Variants in NOSTRIN observed in about 807,000 individuals in gnomAD.
The protein encoded by NOSTRIN is BM247 homolog.
In NOSTRIN, 63 loss-of-function variants were observed where a neutral mutation model predicts 59.0. The observed-to-expected ratio is 1.07, with a 90% CI of 0.87 to 1.32. The LOEUF (loss-of-function observed/expected upper bound fraction) is 1.32. Among genes scored for constraint, NOSTRIN ranks in the 40% most tolerant of loss-of-function variants. The probability of loss-of-function intolerance (pLI) is 0.00; values close to 1 mark genes in which losing one functional copy is unlikely to be tolerated. For synonymous variants in NOSTRIN, 200 were observed against 165.4 expected (o/e 1.21, Z -1.61); for missense variants, 512 against 473.1 (o/e 1.08, Z -0.76).
At chr2:168,816,210 C>T (rs1244076604) in intron 2 of NOSTRIN, among the ~76,000 whole-genome samples, 1 of 152,172 alleles carries the variant, frequency 6.6e-6, no homozygotes, top group African/African-American at 2.4e-5. Context: ...GACCCCGTTT[C>T]CAATCCAAGC....
At chr2:168,792,760 A>G (rs1329529445) in intron 2 of NOSTRIN, among the ~76,000 whole-genome samples, 1 of 152,190 alleles carries the variant, frequency 6.6e-6, no homozygotes, top group African/African-American at 2.4e-5. Context: ...GATTATAGCC[A>G]GCATACCTGG....
At chr2:168,841,491 C>G (rs1688107195) in intron 7 of NOSTRIN, among the ~76,000 whole-genome samples, 1 of 152,046 alleles carries the variant, frequency 6.6e-6, no homozygotes, top group African/African-American at 2.4e-5. Flanking sequence ...AAGAGGGGGG[C>G]TCTTTGTAAG....
intron 8 of NOSTRIN, among the ~76,000 whole-genome samples, chr2:168,843,393 A>G (rs1574313547): frequency 6.6e-6 from 1 of 152,238 alleles, no homozygotes; most frequent in East Asian, 1.9e-4. Context: ...GTGCTGTCAA[A>G]GTGAAGCGTA....
Position 168,862,027 on chromosome 2 carries a change from T to G in NOSTRIN, c.1362T>G (p.Asp454Glu), listed in dbSNP as rs1319369778. Residue 454 changes from aspartate (D) to glutamate (E), a missense_variant, in exon 15 of 16, where the codon GAT (aspartate) becomes GAG (glutamate). Physicochemically the swap from Asp to Glu is conservative, Grantham distance 45 (BLOSUM62 2). Transcript: ENST00000317647. ...KALYSFQARQ[D>E]DELNLEKGDI... Reference sequence around the variant, plus strand: ...TGTATTCTTTTCAAGCCAGGCAAGATGATGAGTTGAATTTGGAAAAGGGTA... The same window carrying G: ...TGTATTCTTTTCAAGCCAGGCAAGAGGATGAGTTGAATTTGGAAAAGGGTA... 3 of 1,614,172 alleles carry G rather than the reference T, an allele frequency of 1.9e-6. No homozygotes were observed. Among genetic ancestry groups the G allele is most frequent in the Non-Finnish European group, 8.5e-7 (1 of 1,179,998 alleles).
In NOSTRIN at chr2:168,856,569, C is replaced by T. The variant is rs559926752; in HGVS notation, c.965-121C>T. 107 of 750,314 alleles carry T rather than the reference C, an allele frequency of 1.4e-4. 1 individual carries two copies. Among genetic ancestry groups the T allele is most frequent in the South Asian group, 9.9e-4 (58 of 58,670 alleles). 46.5% of individuals were successfully genotyped at this position (750,314 alleles called of 1,614,324 possible). A position where few individuals can be genotyped will look rare whatever the true frequency, so the allele number is the denominator to read the frequency against. On this transcript the variant is annotated intron_variant, in intron 11 of 15. Transcript: ENST00000317647. The stretch of plus-strand genomic sequence containing the variant: ...CAGCCTGGGTGACAGAGCAAGACTC[C>T]GTCTTAAAAAAAAAAATCTCACTGG...
intron 1 of NOSTRIN, among the ~76,000 whole-genome samples, chr2:168,808,045 T>C (rs1026771952): frequency 6.6e-6 from 1 of 152,186 alleles, no homozygotes; most frequent in African/African-American, 2.4e-5. Flanking sequence ...ACTTTCAGCA[T>C]GGCCTAGCCT....
intron 2 of NOSTRIN, among the ~76,000 whole-genome samples, chr2:168,824,007 G>A (rs1434200206): frequency 6.6e-6 from 1 of 152,134 alleles, no homozygotes; most frequent in Non-Finnish European, 1.5e-5. Context: ...CCTGGGAGGT[G>A]GAGGTTACAG....
chr2:168,863,661 T>C, intron 15 of NOSTRIN: 2 of 871,172 alleles, frequency 2.3e-6, no homozygotes. Flanking sequence ...TACATTTCTG[T>C]GCAAAGCTGT....
rs1688676364 is a variant in NOSTRIN, at chr2:168,850,181, G to A, written c.631-903G>A. On this transcript the variant is annotated intron_variant, in intron 8 of 15. Coordinates refer to ENST00000317647, the MANE Select transcript of NOSTRIN (RefSeq NM_001039724.4). Reference sequence around the variant, plus strand: ...TCCCACCCTGGCCTCCCAACGTGCTGGGATTATAGGCATGAGCCACTGTGC... The same window carrying A: ...TCCCACCCTGGCCTCCCAACGTGCTAGGATTATAGGCATGAGCCACTGTGC... Among the ~76,000 whole-genome samples, 3 of 152,218 alleles carry A rather than the reference G, an allele frequency of 2.0e-5. No individual in the cohort carries two copies. In the South Asian group the frequency reaches 6.2e-4, roughly 32 times the overall value.
chr2:168,807,001 C>G (rs1685884689), intron 1 of NOSTRIN, among the ~76,000 whole-genome samples: 1 of 152,180 alleles, frequency 6.6e-6, no homozygotes, highest in African/African-American at 2.4e-5. Flanking sequence ...GATGGATTCT[C>G]TAATTGATTT....
At chr2:168,823,166 G>A (rs1363575141) in intron 2 of NOSTRIN, among the ~76,000 whole-genome samples, 1 of 152,120 alleles carries the variant, frequency 6.6e-6, no homozygotes, top group Non-Finnish European at 1.5e-5. Context: ...ACAGGCGTGA[G>A]CCACCACACC....
At chr2:168,830,545 G>A (rs1045797839) in intron 5 of NOSTRIN, among the ~76,000 whole-genome samples, 8 of 152,208 alleles carry the variant, frequency 5.3e-5, no homozygotes, top group Non-Finnish European at 1.2e-4. Context: ...AGATCTCAGA[G>A]TGGTTGAATA....
intron 15 of NOSTRIN, among the ~76,000 whole-genome samples, chr2:168,862,370 C>A (rs1689515497): frequency 6.6e-6 from 1 of 151,854 alleles, no homozygotes; most frequent in Admixed American, 6.6e-5. Context: ...TGGCTAATGT[C>A]ACAGGCTGTG....
In NOSTRIN at chr2:168,862,038, A is replaced by T. The variant is rs1689489048; in HGVS notation, c.1373A>T (p.Asn458Ile). 1.2e-6 allele frequency: 2 copies of T among 1,613,948 alleles called. No homozygotes were observed. The highest frequency in any genetic ancestry group is 2.7e-5 in the African/African-American group (2 of 74,938). Residue 458 changes from asparagine (N) to isoleucine (I), a missense_variant, in exon 15 of 16, where the codon AAT (asparagine) becomes ATT (isoleucine). Physicochemically the swap from Asn to Ile is moderately radical, Grantham distance 149. Transcript: ENST00000317647. ...CAAGCCAGGCAAGATGATGAGTTGA[A>T]TTTGGAAAAGGGTAAGAATCATTCT... ...SFQARQDDELNLEKGDIVIIH... is the reference protein window; with the variant it reads ...SFQARQDDELILEKGDIVIIH...
Position 168,834,314 on chromosome 2 carries a change from G to A in NOSTRIN, c.493G>A (p.Glu165Lys). Reference protein sequence around the residue: ...ESSKQSMTEKEKRKLLNKLTK... With the variant: ...ESSKQSMTEKKKRKLLNKLTK... Reference sequence around the variant, plus strand: ...CTCCAAGCAATCTATGACTGAGAAGGAGAAGCGGAAGGTAAGCTGTCATGG... The same window carrying A: ...CTCCAAGCAATCTATGACTGAGAAGAAGAAGCGGAAGGTAAGCTGTCATGG... Residue 165 changes from glutamate (E) to lysine (K), a missense_variant, in exon 7 of 16, where the codon GAG (glutamate) becomes AAG (lysine). By Grantham distance (56) the Glu-to-Lys change is moderately conservative. Transcript: ENST00000317647. The A allele has an allele frequency of 1.1e-6, 1 of 872,772 alleles. No individual in the cohort carries two copies. Among genetic ancestry groups the A allele is most frequent in the South Asian group, 1.3e-5 (1 of 76,512 alleles). The allele number at this position is 872,772 out of a possible 1,614,324, so 54.1% of individuals were successfully genotyped here.
intron 2 of NOSTRIN, among the ~76,000 whole-genome samples, chr2:168,823,937 T>C (rs1259621891): frequency 6.6e-6 from 1 of 152,066 alleles, no homozygotes; most frequent in Non-Finnish European, 1.5e-5. Flanking sequence ...TAGCCGGGCA[T>C]TGTGGTACGT....
chr2:168,798,050 A>C (rs1159273937), upstream of NOSTRIN: 1 of 152,190 alleles, frequency 6.6e-6, no homozygotes, highest in Non-Finnish European at 1.5e-5. Context: ...AATCATCTCT[A>C]GGTAACTCAT....
In NOSTRIN at chr2:168,832,209, G is replaced by A. The variant is rs146904781; in HGVS notation, c.405+675G>A. Among the ~76,000 whole-genome samples the A allele has an allele frequency of 2.7e-3, 406 of 152,222 alleles. 1 individual carries two copies. The highest frequency in any genetic ancestry group is 9.2e-3 in the African/African-American group (384 of 41,534). On this transcript the variant is annotated intron_variant, in intron 6 of 15. Coordinates refer to ENST00000317647, the MANE Select transcript of NOSTRIN (RefSeq NM_001039724.4). ...TTTAAAATTTAGTTGGCTAGATGACGTGTGCAGGAAATAGGGAATACATTC... is the reference window on the plus strand; with the variant it reads ...TTTAAAATTTAGTTGGCTAGATGACATGTGCAGGAAATAGGGAATACATTC...
At chr2:168,807,679 A>G (rs375726230) in intron 1 of NOSTRIN, among the ~76,000 whole-genome samples, 2 of 152,154 alleles carry the variant, frequency 1.3e-5, no homozygotes, top group African/African-American at 4.8e-5. Flanking sequence ...GGTGTACCTT[A>G]GACACAAATC....
Sources: gnomAD v4.1 joint callset for allele counts (sites outside exome capture counted in the v4.1 genomes callset) on GRCh38, gnomAD v4.1.1 for gene constraint, MANE v1.5 for transcripts, NCBI Gene and HGNC (gene_info 2026-07-23, HGNC 2026-07-21) for gene names.